FER: variants seen among roughly 807,000 people sequenced by gnomAD.
The protein encoded by FER is FER tyrosine kinase, also known as tyrosine-protein kinase Fer.
FER carries 63 observed loss-of-function variants against 111.0 expected under a neutral mutation model. The ratio of observed to expected loss-of-function variants is 0.57; its 90% confidence interval spans 0.46 to 0.70. FER has a LOEUF of 0.70. Among genes scored for constraint, FER ranks in the 30% least tolerant of loss-of-function variants. The pLI is 0.00. For missense variants in FER, 914 were observed against 954.0 expected (o/e 0.96, Z 0.55); for synonymous variants, 327 against 313.9 (o/e 1.04, Z -0.44).
chr5:108,942,827 C>A (rs1478437701), intron 10 of FER, among the ~76,000 whole-genome samples: 1 of 151,946 alleles, frequency 6.6e-6, no homozygotes, highest in Non-Finnish European at 1.5e-5. Flanking sequence ...CACAAAATCC[C>A]TCTGAATTTT....
intron 2 of FER, among the ~76,000 whole-genome samples, chr5:108,797,604 G>T (rs1297660513): frequency 6.6e-6 from 1 of 152,194 alleles, no homozygotes; most frequent in African/African-American, 2.4e-5. Context: ...CCACTGCTGG[G>T]TGATGGGAGA....
intron 5 of FER, among the ~76,000 whole-genome samples, chr5:108,843,819 G>C (rs1400933906): frequency 6.6e-6 from 1 of 151,994 alleles, no homozygotes; most frequent in Non-Finnish European, 1.5e-5. Flanking sequence ...GAGCCACCAT[G>C]CCTGGCTGAA....
chr5:109,101,261 A>G (rs1459988835), intron 17 of FER, among the ~76,000 whole-genome samples: 1 of 151,988 alleles, frequency 6.6e-6, no homozygotes, highest in African/African-American at 2.4e-5. Flanking sequence ...GAACTGATGC[A>G]GTTTTTATGC....
At chr5:109,136,526 A>G (rs1005144251) in intron 17 of FER, among the ~76,000 whole-genome samples, 2 of 152,174 alleles carry the variant, frequency 1.3e-5, no homozygotes, top group Non-Finnish European at 2.9e-5. Flanking sequence ...TACTGCTTAG[A>G]AAGACAATCT....
rs746184286 is a variant in FER at position 109,058,724 on chromosome 5, C to CTTTTTTTTTTTTTTTT, written c.1924+11537_1924+11552dup. On this transcript the variant is annotated intron_variant, in intron 16 of 19. Transcript: ENST00000281092. ...TCTTTTTCTTTTTCTTTCTTTCTTTCTTTTTTTTTTTTTTTTTTTTTTTTT... is the reference window on the plus strand; with the variant it reads ...TCTTTTTCTTTTTCTTTCTTTCTTTCTTTTTTTTTTTTTTTTTTTTTTTTTTTTTTTTTTTTTTTTT... 1.4e-4 allele frequency among the ~76,000 whole-genome samples: 11 copies of CTTTTTTTTTTTTTTTT among 76,254 alleles called. 1 individual carries two copies. The highest frequency in any genetic ancestry group is 4.1e-4 in the African/African-American group (7 of 17,114). The allele number at this position is 76,254 out of a possible 152,430, so 50.0% of individuals were successfully genotyped here. A position where few individuals can be genotyped will look rare whatever the true frequency, so the allele number is the denominator to read the frequency against.
At chr5:108,913,679 A>G (rs1581174268) in intron 10 of FER, among the ~76,000 whole-genome samples, 1 of 152,212 alleles carries the variant, frequency 6.6e-6, no homozygotes, top group Admixed American at 6.5e-5. Flanking sequence ...AAATACATAC[A>G]TATGCTCTCA....
chr5:108,876,739 T>C (rs573004276), intron 8 of FER, among the ~76,000 whole-genome samples: 129 of 152,314 alleles, frequency 8.5e-4, no homozygotes, highest in Middle Eastern at 3.4e-3. Flanking sequence ...ACTGTACAAA[T>C]GTGAAAGACT....
At chr5:109,011,039 A>G (rs1359797888) in intron 13 of FER, among the ~76,000 whole-genome samples, 1 of 152,204 alleles carries the variant, frequency 6.6e-6, no homozygotes, top group Non-Finnish European at 1.5e-5. Context: ...TTCTGTGTAC[A>G]TTCTTTTAGG....
chr5:109,101,004 T>A (rs1433000323), intron 17 of FER, among the ~76,000 whole-genome samples: 1 of 151,916 alleles, frequency 6.6e-6, no homozygotes, highest in Non-Finnish European at 1.5e-5. Context: ...TTTCTTTCAT[T>A]TTAGTACCTC....
intron 17 of FER, among the ~76,000 whole-genome samples, chr5:109,109,541 T>C (rs985412157): frequency 1.3e-5 from 2 of 151,988 alleles, no homozygotes; most frequent in Non-Finnish European, 2.9e-5. Flanking sequence ...CAGTATAAAA[T>C]CAGGATGATA....
At chr5:109,067,261 TTGC>T (rs1430651460) in intron 16 of FER, among the ~76,000 whole-genome samples, 1,577 of 150,462 alleles carry the variant, frequency 0.01, 20 homozygotes, top group African/African-American at 0.034. Flanking sequence ...GTTGTTGTTG[TTGC>T]TGTTGCTGCT....
chr5:109,049,680 G>A (rs1366324469), intron 16 of FER, among the ~76,000 whole-genome samples: 2 of 152,078 alleles, frequency 1.3e-5, no homozygotes, highest in South Asian at 4.1e-4. Context: ...CATGACCATA[G>A]TTTAACATGG....
At chr5:108,969,355 A>G (rs907794938) in intron 13 of FER, among the ~76,000 whole-genome samples, 1 of 152,132 alleles carries the variant, frequency 6.6e-6, no homozygotes, top group East Asian at 1.9e-4. Context: ...AGGAAGTTCT[A>G]TATGTACTGA....
intron 9 of FER, among the ~76,000 whole-genome samples, chr5:108,884,752 C>G (rs1746838494): frequency 6.6e-6 from 1 of 151,856 alleles, no homozygotes; most frequent in South Asian, 2.1e-4. Context: ...TTTCTTAGTT[C>G]GAACTTGTTC....
chr5:108,905,373 GAATTTCTT>G (rs1190577717), intron 10 of FER, among the ~76,000 whole-genome samples: 1 of 152,006 alleles, frequency 6.6e-6, no homozygotes, highest in Non-Finnish European at 1.5e-5. Flanking sequence ...TTTAAATTAT[GAATTTCTT>G]AATTTCTTAG....
intron 13 of FER, among the ~76,000 whole-genome samples, chr5:108,992,084 G>A (rs150492720): frequency 6.6e-6 from 1 of 151,678 alleles, no homozygotes; most frequent in Admixed American, 6.6e-5. Flanking sequence ...GACTCTTAAC[G>A]AGCATGCTGC....
chr5:109,005,165 G>A (rs1765337224), intron 13 of FER, among the ~76,000 whole-genome samples: 1 of 152,074 alleles, frequency 6.6e-6, no homozygotes, highest in Non-Finnish European at 1.5e-5. Flanking sequence ...CACAGCAAGA[G>A]GAAAGGAGTG....
At chr5:109,045,796 C>T (rs1771886401) in intron 15 of FER, among the ~76,000 whole-genome samples, 1 of 152,182 alleles carries the variant, frequency 6.6e-6, no homozygotes, top group African/African-American at 2.4e-5. Flanking sequence ...TCTCTTCATG[C>T]AATCTCATGG....
chr5:109,019,506 A>T (rs1032650212), intron 13 of FER, among the ~76,000 whole-genome samples: 7 of 151,802 alleles, frequency 4.6e-5, no homozygotes, highest in African/African-American at 1.7e-4. Flanking sequence ...ATCATTATTA[A>T]TATTGTCAAA....
Sources: gnomAD v4.1 joint callset for allele counts (sites outside exome capture counted in the v4.1 genomes callset) on GRCh38, gnomAD v4.1.1 for gene constraint, MANE v1.5 for transcripts, NCBI Gene and HGNC (gene_info 2026-07-23, HGNC 2026-07-21) for gene names.